Variants in WASF3 observed in about 807,000 individuals in gnomAD.
WASF3 encodes the protein actin-binding protein WASF3.
In WASF3, 11 loss-of-function variants were observed where a neutral mutation model predicts 46.6. That is an observed-to-expected ratio of 0.24 (90% CI 0.15 to 0.39). The LOEUF is 0.39. Ranked by LOEUF, WASF3 falls within the 10% of genes least tolerant of loss-of-function variation. The pLI is 1.00. For synonymous variants in WASF3, 242 were observed against 259.7 expected, an observed-to-expected ratio of 0.93 and a Z score of 0.65; for missense variants, 576 against 669.8, an observed-to-expected ratio of 0.86 and a Z score of 1.55.
At chr13:26,615,752 T>A (rs1440156774) in intron 2 of WASF3, among the ~76,000 whole-genome samples, 3 of 152,232 alleles carry the variant, frequency 2.0e-5, no homozygotes. Context: ...GACCGTTGTT[T>A]CCTCATGGCC....
chr13:26,680,038 G>C, intron 7 of WASF3: 1 of 1,596,306 alleles, frequency 6.3e-7, no homozygotes, highest in Non-Finnish European at 8.5e-7. Flanking sequence ...CCTTCAGAGA[G>C]AGAAACACAA....
intron 1 of WASF3, among the ~76,000 whole-genome samples, chr13:26,583,201 T>G (rs1473232212): frequency 1.3e-5 from 2 of 152,192 alleles, no homozygotes; most frequent in Admixed American, 6.5e-5. Flanking sequence ...TCTCATTTGA[T>G]GTATACAACA....
At chr13:26,573,836 CT>C (rs1879709637) in intron 1 of WASF3, among the ~76,000 whole-genome samples, 1 of 152,214 alleles carries the variant, frequency 6.6e-6, no homozygotes, top group Non-Finnish European at 1.5e-5. Flanking sequence ...ATGCCCACCC[CT>C]CTCCAAAGGT....
intron 1 of WASF3, among the ~76,000 whole-genome samples, chr13:26,577,854 A>G (rs1231615796): frequency 6.6e-6 from 1 of 152,228 alleles, no homozygotes; most frequent in East Asian, 1.9e-4. Context: ...TCATGTAATC[A>G]CTACCACATC....
At chr13:26,560,394 CTTA>C (rs1487728639) in intron 1 of WASF3, among the ~76,000 whole-genome samples, 3 of 152,138 alleles carry the variant, frequency 2.0e-5, no homozygotes, top group Admixed American at 6.5e-5. Context: ...TTTTTCCCGT[CTTA>C]TTGTTGTCCT....
intron 1 of WASF3, among the ~76,000 whole-genome samples, chr13:26,584,150 C>G (rs1438228563): frequency 6.6e-6 from 1 of 152,206 alleles, no homozygotes; most frequent in African/African-American, 2.4e-5. Flanking sequence ...TTTCTCTCTT[C>G]CCTCTCATCA....
chr13:26,647,572 A>G (rs1882186929), intron 3 of WASF3, among the ~76,000 whole-genome samples: 1 of 152,178 alleles, frequency 6.6e-6, no homozygotes, highest in Admixed American at 6.5e-5. Context: ...TGTAGTTTCA[A>G]TATAATTTGC....
chr13:26,622,187 G>T (rs1881327132), intron 2 of WASF3, among the ~76,000 whole-genome samples: 1 of 152,144 alleles, frequency 6.6e-6, no homozygotes, highest in African/African-American at 2.4e-5. Context: ...CAGAGCAAAG[G>T]TTACCAGCAC....
At chr13:26,591,265 C>T (rs1410882106) in intron 1 of WASF3, among the ~76,000 whole-genome samples, 1 of 152,152 alleles carries the variant, frequency 6.6e-6, no homozygotes, top group Non-Finnish European at 1.5e-5. Context: ...GTGTGCTGAA[C>T]GGCCACCAGA....
chr13:26,627,835 A>G (rs867448289), intron 2 of WASF3, among the ~76,000 whole-genome samples: 2 of 151,806 alleles, frequency 1.3e-5, no homozygotes, highest in South Asian at 4.2e-4. Flanking sequence ...ATGTATACAT[A>G]TGTAACTAAC....
intron 1 of WASF3, among the ~76,000 whole-genome samples, chr13:26,604,880 C>G (rs1880747205): frequency 6.6e-6 from 1 of 152,140 alleles, no homozygotes; most frequent in Admixed American, 6.5e-5. Context: ...AAAAGATCAG[C>G]CAAGGACACA....
intron 1 of WASF3, among the ~76,000 whole-genome samples, chr13:26,580,786 C>T (rs1306005550): frequency 1.1e-4 from 17 of 150,970 alleles, no homozygotes; most frequent in Non-Finnish European, 7.4e-5. Flanking sequence ...CCACCACACC[C>T]GGCTAATTTT....
At chr13:26,575,407 G>T (rs1254208553) in intron 1 of WASF3, among the ~76,000 whole-genome samples, 2 of 152,034 alleles carry the variant, frequency 1.3e-5, no homozygotes, top group African/African-American at 2.4e-5. Flanking sequence ...CAGTCCTTTT[G>T]CTTACGTTTC....
Position 26,686,023 on chromosome 13 carries a change from G to C in WASF3, c.*178G>C. 1 of 757,924 alleles carries C rather than the reference G, an allele frequency of 1.3e-6. No individual in the cohort carries two copies. Among genetic ancestry groups the C allele is most frequent in the Non-Finnish European group, 2.0e-6 (1 of 491,772 alleles). The allele number at this position is 757,924 out of a possible 1,614,324, so 46.9% of individuals were successfully genotyped here. On this transcript the variant is annotated 3_prime_UTR_variant, in exon 10 of 10. Coordinates refer to ENST00000335327, the MANE Select transcript of WASF3 (RefSeq NM_006646.6). ...TCAGTATTTACTGTGTAATACTTAA[G>C]TGCCACTAAACATAGCAAATTGTGC...
At chr13:26,620,185 T>C (rs1315782416) in intron 2 of WASF3, among the ~76,000 whole-genome samples, 7 of 152,154 alleles carry the variant, frequency 4.6e-5, no homozygotes, top group Non-Finnish European at 7.3e-5. Flanking sequence ...TGATTTTGTC[T>C]GGCTGATCAA....
intron 1 of WASF3, among the ~76,000 whole-genome samples, chr13:26,598,224 G>T (rs1013952169): frequency 3.3e-5 from 5 of 152,206 alleles, no homozygotes; most frequent in African/African-American, 1.2e-4. Context: ...CAGTGATGAT[G>T]AGCGTTTTTT....
chr13:26,582,645 C>T (rs1880014699), intron 1 of WASF3, among the ~76,000 whole-genome samples: 1 of 118,514 alleles, frequency 8.4e-6, no homozygotes, highest in Admixed American at 1.2e-4. Context: ...CCACTACACT[C>T]TAGCCTGGGT....
intron 1 of WASF3, among the ~76,000 whole-genome samples, chr13:26,580,744 G>C (rs1451853746): frequency 2.0e-5 from 3 of 151,186 alleles, no homozygotes; most frequent in Non-Finnish European, 4.4e-5. Context: ...TTCTGCCTCA[G>C]CCTCCCGAGT....
rs149649005 is a variant in WASF3, at chr13:26,594,187, A to T, written c.-108-18774A>T. 5.9e-5 allele frequency among the ~76,000 whole-genome samples: 9 copies of T among 151,962 alleles called. No homozygotes were observed. In the East Asian group the frequency reaches 1.7e-3, roughly 29 times the overall value. Reference sequence around the variant, plus strand: ...ACTATTTTCTTCTCATTTTGTATTTACTCCCCTTGGCCATACCATCAAATG... The same window carrying T: ...ACTATTTTCTTCTCATTTTGTATTTTCTCCCCTTGGCCATACCATCAAATG... On this transcript the variant is annotated intron_variant, in intron 1 of 9. Transcript: ENST00000335327.
Sources: gnomAD v4.1 joint callset for allele counts (sites outside exome capture counted in the v4.1 genomes callset) on GRCh38, gnomAD v4.1.1 for gene constraint, MANE v1.5 for transcripts, NCBI Gene and HGNC (gene_info 2026-07-23, HGNC 2026-07-21) for gene names.